ALG2: variants seen among roughly 807,000 people sequenced by gnomAD.
ALG2 encodes the protein alpha-1,3/1,6-mannosyltransferase ALG2.
In ALG2, 32 loss-of-function variants were observed where a neutral mutation model predicts 30.5. That is an observed-to-expected ratio of 1.05 (90% CI 0.79 to 1.41). ALG2 has a LOEUF of 1.41. Ranked by LOEUF, ALG2 falls within the 40% of genes most tolerant of loss-of-function variation. ALG2 has a pLI of 0.00. For missense variants in ALG2, 574 were observed against 526.4 expected (o/e 1.09, Z -0.88); for synonymous variants, 253 against 224.8 (o/e 1.13, Z -1.12).
intron 1 of ALG2, chr9:99,220,994 G>A (rs1468091296): frequency 7.4e-7 from 1 of 1,352,386 alleles, no homozygotes; most frequent in African/African-American, 1.5e-5. Context: ...TAAAAAGCTT[G>A]AACTTTTCTC....
At position 99,218,466 on chromosome 9, in the gene ALG2, A is replaced by C; in HGVS notation, c.719T>G (p.Leu240Arg). Reference protein sequence around the residue: ...SINRYERKKNLTLALEALVQL... With the variant: ...SINRYERKKNRTLALEALVQL... ...TACTAGGGCTTCCAGTGCCAAAGTCAGATTTTTCTTCCTTTCGTATCTGTT... is the reference window on the plus strand; with the variant it reads ...TACTAGGGCTTCCAGTGCCAAAGTCCGATTTTTCTTCCTTTCGTATCTGTT... The change falls in exon 2 of 2, where the codon CTG (leucine) becomes CGG (arginine). Residue 240 changes from leucine (L) to arginine (R), a missense_variant. Physicochemically the swap from Leu to Arg is moderately radical, Grantham distance 102 (BLOSUM62 -2). Transcript: ENST00000476832. The C allele has an allele frequency of 6.2e-7, 1 of 1,614,238 alleles. No individual in the cohort carries two copies. The highest frequency in any genetic ancestry group is 8.5e-7 in the Non-Finnish European group (1 of 1,180,044).
At chr9:99,219,816 C>A (rs188543087) in intron 1 of ALG2, among the ~76,000 whole-genome samples, 2 of 152,184 alleles carry the variant, frequency 1.3e-5, no homozygotes, top group Non-Finnish European at 2.9e-5. Context: ...TATTTCCAAG[C>A]CAATAATTTT....
rs1378019367 is a variant in ALG2, at chr9:99,217,665, A to G, written c.*269T>C. ...AGAAGAGCAATAATCCCGAGAAAAT[A>G]TAATTAAAATACTCTGCTGAACATG... On this transcript the variant is annotated 3_prime_UTR_variant, in exon 2 of 2. Coordinates refer to ENST00000476832, the MANE Select transcript of ALG2 (RefSeq NM_033087.4). 1.8e-6 allele frequency: 1 copy of G among 570,418 alleles called. No homozygotes were observed. The highest frequency in any genetic ancestry group is 3.3e-6 in the Non-Finnish European group (1 of 304,136). The allele number at this position is 570,418 out of a possible 1,614,324, so 35.3% of individuals were successfully genotyped here.
Position 99,218,056 on chromosome 9 carries a change from T to G in ALG2, c.1129A>C (p.Ile377Leu). The G allele has an allele frequency of 6.2e-7, 1 of 1,614,180 alleles. No homozygotes were observed. The highest frequency in any genetic ancestry group is 8.5e-7 in the Non-Finnish European group (1 of 1,180,032). The change falls in exon 2 of 2, where the codon ATC (isoleucine) becomes CTC (leucine). Residue 377 changes from isoleucine (I) to leucine (L), a missense_variant. Coordinates refer to ENST00000476832, the MANE Select transcript of ALG2 (RefSeq NM_033087.4). ...VHFSEAIEKF[I>L]REPSLKATMG... ...GTGGCTTTTAAGGAAGGTTCACGGATGAACTTTTCTATTGCTTCTGAGAAG... is the reference window on the plus strand; with the variant it reads ...GTGGCTTTTAAGGAAGGTTCACGGAGGAACTTTTCTATTGCTTCTGAGAAG...
At position 99,216,621 on chromosome 9, in the gene ALG2, A is replaced by T. The variant is rs1459750491; in HGVS notation, c.*1313T>A. On this transcript the variant is annotated 3_prime_UTR_variant, in exon 2 of 2. Transcript: ENST00000476832. ...ATATGGTAGTGCAGCATGAACTAAC[A>T]TGCAATTTCTAATTTTCAATATCCC... is the stretch of plus-strand genomic sequence containing the variant. 3 of 453,726 alleles carry T rather than the reference A, an allele frequency of 6.6e-6. No individual in the cohort carries two copies. Among genetic ancestry groups the T allele is most frequent in the South Asian group, 4.7e-5 (3 of 64,306 alleles). The allele number at this position is 453,726 out of a possible 1,614,324, so 28.1% of individuals were successfully genotyped here. A position where few individuals can be genotyped will look rare whatever the true frequency, so the allele number is the denominator to read the frequency against.
Position 99,221,652 on chromosome 9 carries a change from C to G in ALG2, c.243G>C (p.Trp81Cys). 3 of 1,545,086 alleles carry G rather than the reference C, an allele frequency of 1.9e-6. No homozygotes were observed. The highest frequency in any genetic ancestry group is 2.6e-6 in the Non-Finnish European group (3 of 1,148,580). ...CGCAGACGGCGGCGCCGCGGCCGCC[C>G]CAGCCCAGGCCTCGCGGCAGCCAGT... The part of the protein sequence containing the change: ...AGDWLPRGLG[W>C]GGRGAAVCAY... Residue 81 changes from tryptophan to cysteine, a missense_variant, in exon 1 of 2, where the codon TGG becomes TGC. By Grantham distance (215) the Trp-to-Cys change is radical. Transcript: ENST00000476832.
In ALG2 at chr9:99,217,493, C is replaced by T. The variant is rs1352640735; in HGVS notation, c.*441G>A. 4.4e-6 allele frequency: 2 copies of T among 454,738 alleles called. No individual in the cohort carries two copies. Among genetic ancestry groups the T allele is most frequent in the African/African-American group, 2.0e-5 (1 of 50,002 alleles). The allele number at this position is 454,738 out of a possible 1,614,324, so 28.2% of individuals were successfully genotyped here. ...CAAACAAAAATTCCCTAACAGATGACAGTGAACACTTCGGTGGATTGAATC... is the reference window on the plus strand; with the variant it reads ...CAAACAAAAATTCCCTAACAGATGATAGTGAACACTTCGGTGGATTGAATC... On this transcript the variant is annotated 3_prime_UTR_variant, in exon 2 of 2. Coordinates refer to ENST00000476832, the MANE Select transcript of ALG2 (RefSeq NM_033087.4).
chr9:99,218,102 C>T lies in ALG2; in HGVS notation c.1083G>A (p.Leu361=), dbSNP rs757357894. The change falls in exon 2 of 2, where the codon CTG becomes CTA. Residue 361 remains leucine (L), a synonymous_variant. Coordinates refer to ENST00000476832, the MANE Select transcript of ALG2 (RefSeq NM_033087.4). ...AGAAGTGCACCGGGTCAGGCTCACA[C>T]AGAAACCCTGTGACACTGTGGTCAA... ...ESIDHSVTGF[L]CEPDPVHFSE... 10 of 1,613,142 alleles carry T rather than the reference C, an allele frequency of 6.2e-6. No homozygotes were observed. The highest frequency in any genetic ancestry group is 3.3e-5 in the South Asian group (3 of 91,020).
chr9:99,221,748 G>A lies in ALG2; in HGVS notation c.147C>T (p.Ile49=), dbSNP rs774719293. 8.8e-6 allele frequency: 14 copies of A among 1,599,020 alleles called. No homozygotes were observed. Among genetic ancestry groups the A allele is most frequent in the Non-Finnish European group, 1.2e-5 (14 of 1,179,554 alleles). ...ALQARGCSVK[I]WTAHYDPGHC... ...GGCCCGGGTCGTAGTGCGCTGTCCA[G>A]ATCTTCACGCTACACCCGCGCGCCT... The change falls in exon 1 of 2, where the codon ATC becomes ATT. Residue 49 remains isoleucine (I), a synonymous_variant. Transcript: ENST00000476832.
chr9:99,220,994 G>T (rs1468091296), intron 1 of ALG2: 1 of 1,352,504 alleles, frequency 7.4e-7, no homozygotes, highest in Non-Finnish European at 9.8e-7. Context: ...TAAAAAGCTT[G>T]AACTTTTCTC....
intron 1 of ALG2, chr9:99,221,030 A>G (rs777994575): frequency 2.4e-5 from 33 of 1,353,322 alleles, no homozygotes; most frequent in Non-Finnish European, 3.1e-5. Context: ...AGCCATGTAC[A>G]AGTTTTAATA....
In ALG2 at chr9:99,218,792, C is replaced by A. The variant is rs730880304; in HGVS notation, c.393G>T (p.Lys131Asn). 6.2e-7 allele frequency: 1 copy of A among 1,609,940 alleles called. No individual in the cohort carries two copies. ...IPVFRLARRR[K>N]KILFYCHFPD... ...GGAAGTGACAGTAAAATAGGATCTTCTTCCGCCGTCTAGCCAGCCTGAACA... is the reference window on the plus strand; with the variant it reads ...GGAAGTGACAGTAAAATAGGATCTTATTCCGCCGTCTAGCCAGCCTGAACA... The change falls in exon 2 of 2, where the codon AAG (lysine) becomes AAT (asparagine). Residue 131 changes from lysine to asparagine, a missense_variant. Coordinates refer to ENST00000476832, the MANE Select transcript of ALG2 (RefSeq NM_033087.4).
chr9:99,220,014 T>A (rs75877306), intron 1 of ALG2, among the ~76,000 whole-genome samples: 11,047 of 152,210 alleles, frequency 0.073, 417 homozygotes, highest in South Asian at 0.079. Context: ...TTTGGCAAAG[T>A]TTAAAATGGT....
In ALG2 at chr9:99,216,685, T is replaced by C. The variant is rs1017047451; in HGVS notation, c.*1249A>G. 6.6e-5 allele frequency: 30 copies of C among 451,444 alleles called. No homozygotes were observed. Among genetic ancestry groups the C allele is most frequent in the African/African-American group, 1.8e-4 (9 of 49,874 alleles). 28.0% of individuals were successfully genotyped at this position (451,444 alleles called of 1,614,324 possible). A position where few individuals can be genotyped will look rare whatever the true frequency, so the allele number is the denominator to read the frequency against. Reference sequence around the variant, plus strand: ...ACTAATAGCTAATATATATACTATATGCCAAGTATTAAGTACTTTGTAATA... The same window carrying C: ...ACTAATAGCTAATATATATACTATACGCCAAGTATTAAGTACTTTGTAATA... On this transcript the variant is annotated 3_prime_UTR_variant, in exon 2 of 2. Coordinates refer to ENST00000476832, the MANE Select transcript of ALG2 (RefSeq NM_033087.4).
Position 99,221,934 on chromosome 9 carries a change from G to T in ALG2, c.-40C>A, listed in dbSNP as rs1394730370. 3.3e-6 allele frequency: 5 copies of T among 1,537,636 alleles called. No homozygotes were observed. Among genetic ancestry groups the T allele is most frequent in the Admixed American group, 3.7e-5 (2 of 53,602 alleles). Reference sequence around the variant, plus strand: ...AACTGCACCCCGCACCCTGATGGGGGTCTTCTGCGCAAGCTCCGCGCTCGT... The same window carrying T: ...AACTGCACCCCGCACCCTGATGGGGTTCTTCTGCGCAAGCTCCGCGCTCGT... On this transcript the variant is annotated 5_prime_UTR_variant, in exon 1 of 2. Transcript: ENST00000476832.
At chr9:99,221,509 G>C in intron 1 of ALG2, 38 bp downstream of exon 1, 1 of 1,534,558 alleles carries the variant, frequency 6.5e-7, no homozygotes, top group Non-Finnish European at 8.8e-7. Flanking sequence ...TCCACGGCGA[G>C]GTCCGCACTC....
At chr9:99,221,354 AGCAATCT>A (rs1564221420) in intron 1 of ALG2, among the ~76,000 whole-genome samples, 186 bp downstream of exon 1, 1 of 152,232 alleles carries the variant, frequency 6.6e-6, no homozygotes, top group Admixed American at 6.5e-5. Context: ...ATGGAACCCC[AGCAATCT>A]GCAACTTTAA....
chr9:99,221,512 C>A, intron 1 of ALG2, 35 bp downstream of exon 1: 1 of 1,536,790 alleles, frequency 6.5e-7, no homozygotes, highest in East Asian at 2.4e-5. Flanking sequence ...ACGGCGAGGT[C>A]CGCACTCGCG....
At position 99,217,636 on chromosome 9, in the gene ALG2, A is replaced by G. The variant is rs552176290; in HGVS notation, c.*298T>C. 2.3e-3 allele frequency: 1,170 copies of G among 509,284 alleles called. 23 individuals carry two copies. Among genetic ancestry groups the G allele is most frequent in the South Asian group, 0.018 (1,144 of 64,818 alleles). 31.5% of individuals were successfully genotyped at this position (509,284 alleles called of 1,614,324 possible). ...AGGCACAGTATCATTCAAAATTTATAGACAGAAGAGCAATAATCCCGAGAA... is the reference window on the plus strand; with the variant it reads ...AGGCACAGTATCATTCAAAATTTATGGACAGAAGAGCAATAATCCCGAGAA... On this transcript the variant is annotated 3_prime_UTR_variant, in exon 2 of 2. Coordinates refer to ENST00000476832, the MANE Select transcript of ALG2 (RefSeq NM_033087.4).
Sources: gnomAD v4.1 joint callset for allele counts (sites outside exome capture counted in the v4.1 genomes callset) on GRCh38, gnomAD v4.1.1 for gene constraint, MANE v1.5 for transcripts, NCBI Gene and HGNC (gene_info 2026-07-23, HGNC 2026-07-21) for gene names.